Variants in WIPF1 observed in about 807,000 individuals in gnomAD.
WIPF1 encodes WAS/WASL interacting protein family member 1.
A neutral mutation model predicts 35.4 loss-of-function variants in WIPF1; 13 were observed. The ratio of observed to expected loss-of-function variants is 0.37; its 90% CI spans 0.24 to 0.58. The LOEUF (loss-of-function observed/expected upper bound fraction) is 0.58. WIPF1 is among the 20% of genes least tolerant of loss of function. The pLI, the probability that WIPF1 is intolerant of heterozygous loss-of-function variation, is 0.74. For missense variants in WIPF1, 591 were observed against 667.0 expected, an observed-to-expected ratio of 0.89 and a Z score of 1.25; for synonymous variants, 267 against 266.3, an observed-to-expected ratio of 1.00 and a Z score of -0.02.
At chr2:174,567,784 C>T (rs1238530739) in intron 6 of WIPF1, 77 bp downstream of exon 6, 4 of 1,461,852 alleles carry the variant, frequency 2.7e-6, no homozygotes, top group South Asian at 1.4e-5. Context: ...TAAACGCAAA[C>T]AAGCAAACCA....
intron 7 of WIPF1, among the ~76,000 whole-genome samples, chr2:174,565,738 T>A (rs189329837): frequency 1.3e-4 from 20 of 152,298 alleles, no homozygotes; most frequent in Admixed American, 4.6e-4. Context: ...CTAGGGGTGT[T>A]GTGACATATT....
intron 3 of WIPF1, among the ~76,000 whole-genome samples, chr2:174,580,184 C>T (rs1685189406): frequency 1.3e-5 from 2 of 152,118 alleles, no homozygotes; most frequent in Non-Finnish European, 2.9e-5. Context: ...CTCCTGGCCT[C>T]AAGTGATCCA....
chr2:174,584,467 C>A (rs550159571), intron 2 of WIPF1, among the ~76,000 whole-genome samples: 2 of 152,282 alleles, frequency 1.3e-5, no homozygotes, highest in South Asian at 2.1e-4. Context: ...AATGAAGGAA[C>A]CATCAGTGTG....
intron 4 of WIPF1, 81 bp downstream of exon 4, chr2:174,575,123 C>T (rs970509044): frequency 2.1e-6 from 3 of 1,436,722 alleles, no homozygotes; most frequent in African/African-American, 1.4e-5. Flanking sequence ...GGGCGAAGAG[C>T]CTTAGAGGCT....
intron 1 of WIPF1, among the ~76,000 whole-genome samples, chr2:174,628,180 T>C (rs529641800): frequency 2.6e-5 from 4 of 152,302 alleles, no homozygotes; most frequent in African/African-American, 9.6e-5. Flanking sequence ...CCAGTGACCA[T>C]GTCCATTGTC....
At chr2:174,654,044 T>C (rs2105965522) in intron 1 of WIPF1, among the ~76,000 whole-genome samples, 1 of 152,364 alleles carries the variant, frequency 6.6e-6, no homozygotes, top group African/African-American at 2.4e-5. Context: ...TTAAAAATCC[T>C]CCTCTACTTC....
intron 1 of WIPF1, among the ~76,000 whole-genome samples, chr2:174,632,966 C>G (rs1559167379): frequency 6.6e-6 from 1 of 152,072 alleles, no homozygotes; most frequent in Admixed American, 6.6e-5. Context: ...TACAAGAGGC[C>G]TTCCTACTGC....
chr2:174,608,805 G>A (rs900925990), intron 1 of WIPF1, among the ~76,000 whole-genome samples: 2 of 152,182 alleles, frequency 1.3e-5, no homozygotes, highest in Non-Finnish European at 1.5e-5. Context: ...CTTCTGGGCT[G>A]GTGAAAGTAG....
chr2:174,567,261 A>G, intron 6 of WIPF1, 78 bp from the exon 7 acceptor site: 2 of 1,297,322 alleles, frequency 1.5e-6, no homozygotes, highest in East Asian at 4.6e-5. Flanking sequence ...GCACAGAATG[A>G]AAGAGAGAGA....
intron 1 of WIPF1, among the ~76,000 whole-genome samples, chr2:174,595,047 T>A (rs1386280218): frequency 8.1e-6 from 1 of 123,344 alleles, no homozygotes; most frequent in Non-Finnish European, 1.6e-5. Context: ...CCCAAGAGTT[T>A]GAGACCATCC....
At chr2:174,620,757 CGGGGTGCACATGATGCCGTG>C (rs892913638) in intron 1 of WIPF1, among the ~76,000 whole-genome samples, 1 of 152,096 alleles carries the variant, frequency 6.6e-6, no homozygotes, top group Non-Finnish European at 1.5e-5. Flanking sequence ...TGGGCAGTAA[CGGGGTGCACATGATGCCGTG>C]GGGGTGCCGG....
intron 1 of WIPF1, among the ~76,000 whole-genome samples, chr2:174,611,921 G>A (rs1574834836): frequency 6.6e-6 from 1 of 151,766 alleles, no homozygotes; most frequent in East Asian, 1.9e-4. Flanking sequence ...TTTTGAGACA[G>A]ATTCCTGCTC....
chr2:174,653,224 A>G lies in WIPF1; in HGVS notation c.-39+29550T>C, dbSNP rs113332483. Among the ~76,000 whole-genome samples the G allele has an allele frequency of 7.8e-4, 119 of 152,292 alleles. 1 individual carries two copies. Among genetic ancestry groups the G allele is most frequent in the African/African-American group, 2.7e-3 (113 of 41,552 alleles). On this transcript the variant is annotated intron_variant, in intron 1 of 8. Coordinates refer to the WIPF1 transcript ENST00000272746. ...TCTGCCCCCAACACCTATGGTGTTA[A>G]CCACTCCATGTTAGAATATGGTGCT...
At chr2:174,638,981 CATTT>C (rs1443039984) in intron 1 of WIPF1, among the ~76,000 whole-genome samples, 2 of 151,894 alleles carry the variant, frequency 1.3e-5, no homozygotes, top group South Asian at 4.2e-4. Context: ...GTTTTTTGTT[CATTT>C]GTTTCTTTTT....
At chr2:174,663,458 C>T (rs1024626390) in intron 1 of WIPF1, among the ~76,000 whole-genome samples, 3 of 152,154 alleles carry the variant, frequency 2.0e-5, no homozygotes, top group Non-Finnish European at 4.4e-5. Context: ...GTCCCCTCCA[C>T]GCATTCCCCT....
At chr2:174,664,806 A>G (rs971365056) in intron 1 of WIPF1, among the ~76,000 whole-genome samples, 1 of 152,008 alleles carries the variant, frequency 6.6e-6, no homozygotes, top group African/African-American at 2.4e-5. Flanking sequence ...CTCATTTTTA[A>G]TTTTTAAATA....
intron 1 of WIPF1, among the ~76,000 whole-genome samples, chr2:174,645,530 G>C (rs931979399): frequency 6.6e-6 from 1 of 152,174 alleles, no homozygotes; most frequent in Non-Finnish European, 1.5e-5. Context: ...AGGGATTTTT[G>C]GAGTATTATG....
intron 1 of WIPF1, among the ~76,000 whole-genome samples, chr2:174,682,119 A>AC (rs1319308439): frequency 3.3e-5 from 5 of 151,974 alleles, no homozygotes; most frequent in Admixed American, 6.6e-5. Context: ...TCGGGGGATC[A>AC]CCCCCCCTCA....
upstream of WIPF1, among the ~76,000 whole-genome samples, chr2:174,600,178 GACCCCT>G (rs1476360175): frequency 2.6e-5 from 4 of 152,126 alleles, no homozygotes; most frequent in Non-Finnish European, 5.9e-5. Flanking sequence ...ACTGGTTGGA[GACCCCT>G]ACCTTAGGAA....
Sources: allele counts gnomAD v4.1 joint callset (sites outside exome capture counted in the v4.1 genomes callset), GRCh38; gene constraint gnomAD v4.1.1; transcripts MANE v1.5; gene names NCBI Gene and HGNC (gene_info 2026-07-23, HGNC 2026-07-21).